The following MGST1 variants were observed in gnomAD, a reference collection of about 807,000 sequenced individuals.
The protein encoded by MGST1 is microsomal glutathione S-transferase 1, also known as glutathione S-transferase 12.
A neutral mutation model predicts 8.9 loss-of-function variants in MGST1; 5 were observed. That is an observed-to-expected ratio of 0.56 (90% CI 0.29 to 1.19). The LOEUF is 1.19. Ranked by LOEUF, MGST1 falls within the 50% of genes most tolerant of loss-of-function variation. The pLI, the probability that MGST1 is intolerant of heterozygous loss-of-function variation, is 0.08. For synonymous variants in MGST1, 54 were observed against 67.8 expected, an observed-to-expected ratio of 0.80 and a Z score of 1.00; for missense variants, 182 against 187.4, an observed-to-expected ratio of 0.97 and a Z score of 0.17.
chr12:16,542,072 G>T (rs1045985153), intron 4 of MGST1, among the ~76,000 whole-genome samples: 23 of 152,108 alleles, frequency 1.5e-4, no homozygotes, highest in African/African-American at 5.6e-4. Flanking sequence ...TAGATGGTTG[G>T]TCCACCTCTA....
chr12:16,477,277 C>A (rs1311091889), intron 4 of MGST1, among the ~76,000 whole-genome samples: 1 of 152,082 alleles, frequency 6.6e-6, no homozygotes, highest in Non-Finnish European at 1.5e-5. Context: ...TTGTCCTCAG[C>A]TAAGTAGATT....
downstream of MGST1, among the ~76,000 whole-genome samples, chr12:16,592,746 T>G (rs1449146465): frequency 6.6e-6 from 1 of 151,928 alleles, no homozygotes; most frequent in Non-Finnish European, 1.5e-5. Context: ...TTCTTCTATT[T>G]TTTGGTGAAA....
chr12:16,549,135 G>C (rs1941894471), intron 4 of MGST1: 1 of 152,134 alleles, frequency 6.6e-6, no homozygotes, highest in South Asian at 2.1e-4. Flanking sequence ...ATGGGGACCA[G>C]CAGGGCTGCA....
chr12:16,423,669 G>A (rs1296276336), intron 1 of MGST1, among the ~76,000 whole-genome samples: 1 of 152,088 alleles, frequency 6.6e-6, no homozygotes, highest in African/African-American at 2.4e-5. Flanking sequence ...ATTACCTGTG[G>A]ATTTGTTATT....
At chr12:16,374,282 C>T (rs575437365) in intron 3 of MGST1, among the ~76,000 whole-genome samples, 96 of 151,924 alleles carry the variant, frequency 6.3e-4, no homozygotes, top group Non-Finnish European at 1.0e-3. Context: ...TTTATGCTCA[C>T]GGTGGTGATT....
downstream of MGST1, among the ~76,000 whole-genome samples, chr12:16,379,967 T>C (rs1940433861): frequency 6.6e-6 from 1 of 152,220 alleles, no homozygotes; most frequent in Admixed American, 6.5e-5. Context: ...GATGGTAGTT[T>C]GTATTTCTGT....
At chr12:16,504,811 T>C (rs115396326) in intron 4 of MGST1, among the ~76,000 whole-genome samples, 2,217 of 152,258 alleles carry the variant, frequency 0.015, 56 homozygotes, top group African/African-American at 0.05. Context: ...CCCCACAAAC[T>C]TGCTTAAAAT....
intron 4 of MGST1, among the ~76,000 whole-genome samples, chr12:16,524,989 T>G (rs760864723): frequency 6.6e-6 from 1 of 151,470 alleles, no homozygotes; most frequent in Non-Finnish European, 1.5e-5. Flanking sequence ...CTTTATCTTA[T>G]GGATGAGAAA....
intron 4 of MGST1, among the ~76,000 whole-genome samples, chr12:16,532,829 C>T (rs927115944): frequency 3.3e-5 from 5 of 152,066 alleles, no homozygotes; most frequent in Admixed American, 6.6e-5. Context: ...CAAAACAATA[C>T]TGAAAGAACT....
Position 16,427,613 on chromosome 12 carries a change from C to T in MGST1, n.779-9775C>T, listed in dbSNP as rs568952550. Reference sequence around the variant, plus strand: ...GCTAGGATGGTCTCGAACTTCTGGCCTCAAGTGATCCGCCCATCCTGGCAT... The same window carrying T: ...GCTAGGATGGTCTCGAACTTCTGGCTTCAAGTGATCCGCCCATCCTGGCAT... On this transcript the variant is annotated intron_variant and non_coding_transcript_variant, in intron 1 of 1. Coordinates refer to the MGST1 transcript ENST00000359720. 3.9e-5 allele frequency among the ~76,000 whole-genome samples: 6 copies of T among 152,280 alleles called. No individual in the cohort carries two copies. The South Asian group carries it at 1.2e-3, about 32-fold the overall frequency.
At chr12:16,473,530 G>A (rs907014497) in intron 4 of MGST1, among the ~76,000 whole-genome samples, 2 of 151,682 alleles carry the variant, frequency 1.3e-5, no homozygotes, top group African/African-American at 4.9e-5. Flanking sequence ...GCTTCTAATA[G>A]CCATTTTTTT....
chr12:16,369,176 A>G (rs1269167363), downstream of MGST1, among the ~76,000 whole-genome samples: 3 of 152,116 alleles, frequency 2.0e-5, no homozygotes, highest in Admixed American at 2.0e-4. This position sits in a 1 kb window ranked among gnomAD's most constrained non-coding sequence, Gnocchi z 4.8. Context: ...CTGTGTCTTG[A>G]GTCTCGAGGC....
At position 16,500,387 on chromosome 12, in the gene MGST1, C is replaced by G. The variant is rs971908106; in HGVS notation, n.483-89141C>G. Among the ~76,000 whole-genome samples, 19 of 152,222 alleles carry G rather than the reference C, an allele frequency of 1.2e-4. 1 individual carries two copies. The highest frequency in any genetic ancestry group is 2.8e-4 in the Non-Finnish European group (19 of 68,034). Reference sequence around the variant, plus strand: ...TATAACAACAGCTATTCCCAACCTTCTAGCTTGATCCATTCAGGGACACAT... The same window carrying G: ...TATAACAACAGCTATTCCCAACCTTGTAGCTTGATCCATTCAGGGACACAT... On this transcript the variant is annotated intron_variant and non_coding_transcript_variant, in intron 4 of 4. Transcript: ENST00000538857. This position sits in a 1 kb window ranked among gnomAD's most constrained non-coding sequence, Gnocchi z 4.3.
intron 4 of MGST1, among the ~76,000 whole-genome samples, chr12:16,578,794 G>A (rs1408055610): frequency 1.3e-5 from 2 of 151,424 alleles, no homozygotes; most frequent in African/African-American, 4.9e-5. Flanking sequence ...CTCCAGCCTG[G>A]GAGACAGAGC....
chr12:16,400,240 A>G, intron 1 of MGST1: 3 of 851,152 alleles, frequency 3.5e-6, no homozygotes, highest in Non-Finnish European at 6.2e-6. Flanking sequence ...CTTCTTCCCA[A>G]ACATGATGGC....
Position 16,457,232 on chromosome 12 carries a change from G to T in MGST1, n.482+73628G>T, listed in dbSNP as rs555208105. ...AATATTTAGAATTACTCCAATTACA[G>T]TCCTAAACTCCTTTAGAAATATATG... On this transcript the variant is annotated intron_variant and non_coding_transcript_variant, in intron 4 of 4. Coordinates refer to the MGST1 transcript ENST00000538857. Among the ~76,000 whole-genome samples the T allele has an allele frequency of 4.3e-4, 65 of 151,930 alleles. No homozygotes were observed. The South Asian group carries it at 8.5e-3, about 20-fold the overall frequency.
chr12:16,432,692 A>G (rs1940948948), intron 1 of MGST1, among the ~76,000 whole-genome samples: 1 of 130,480 alleles, frequency 7.7e-6, no homozygotes, highest in Admixed American at 7.7e-5. Context: ...ACACACACAC[A>G]CACACACACA....
At chr12:16,392,858 T>G (rs924513840) in intron 1 of MGST1, among the ~76,000 whole-genome samples, 1 of 152,184 alleles carries the variant, frequency 6.6e-6, no homozygotes, top group Non-Finnish European at 1.5e-5. Context: ...TATATAACTG[T>G]CTATATCTAT....
intron 1 of MGST1, among the ~76,000 whole-genome samples, chr12:16,418,702 A>T (rs866211794): frequency 5.9e-5 from 9 of 152,130 alleles, no homozygotes; most frequent in Admixed American, 3.9e-4. Flanking sequence ...ATATGTAGAC[A>T]AATTATTTAA....
Sources: allele counts gnomAD v4.1 joint callset (sites outside exome capture counted in the v4.1 genomes callset), GRCh38; gene constraint gnomAD v4.1.1; non-coding constraint Gnocchi (gnomAD v3.1); transcripts MANE v1.5; gene names NCBI Gene and HGNC (gene_info 2026-07-23, HGNC 2026-07-21).